Variants in HOMER1 observed in about 807,000 individuals in gnomAD.
HOMER1 encodes homer protein homolog 1.
A neutral mutation model predicts 48.9 loss-of-function variants in HOMER1; 3 were observed. The observed-to-expected ratio is 0.06, with a 90% CI of 0.03 to 0.16. The LOEUF is 0.16. Among genes scored for constraint, HOMER1 ranks in the 10% least tolerant of loss-of-function variants. The probability of loss-of-function intolerance (pLI) is 1.00; values close to 1 mark genes in which losing one functional copy is unlikely to be tolerated. For synonymous variants in HOMER1, 134 were observed against 146.4 expected, an observed-to-expected ratio of 0.92 and a Z score of 0.61; for missense variants, 247 against 411.4, an observed-to-expected ratio of 0.60 and a Z score of 3.46.
intron 5 of HOMER1, among the ~76,000 whole-genome samples, chr5:79,404,141 A>C (rs994876447): frequency 2.0e-5 from 3 of 152,216 alleles, no homozygotes; most frequent in Non-Finnish European, 2.9e-5. Context: ...TTAGTGAACT[A>C]ATTTAAACAC....
In HOMER1 at chr5:79,485,084, A is replaced by C. The variant is rs961517006; in HGVS notation, c.5+27686T>G. Among the ~76,000 whole-genome samples the C allele has an allele frequency of 4.0e-5, 6 of 148,954 alleles. 1 individual carries two copies. The highest frequency in any genetic ancestry group is 6.6e-5 in the Admixed American group (1 of 15,126). The stretch of plus-strand genomic sequence containing the variant: ...TTAGAACTGTGTCAAAAGTAAAACA[A>C]AACAAAACAAAACAAAACAAAACAA... On this transcript the variant is annotated intron_variant, in intron 1 of 8. Transcript: ENST00000334082.
At chr5:79,378,188 C>A (rs1390906750) in intron 8 of HOMER1, among the ~76,000 whole-genome samples, 2 of 135,050 alleles carry the variant, frequency 1.5e-5, no homozygotes, top group African/African-American at 5.9e-5. Flanking sequence ...TACTGCACTC[C>A]AGCCGCCTGG....
chr5:79,490,792 A>C lies in HOMER1; in HGVS notation c.5+21978T>G, dbSNP rs78963681. ...ACCAAAAAAAAAAACAAAAAAAAAA[A>C]CCATAAAAAAATTAGCCAGGCATGG... On this transcript the variant is annotated intron_variant, in intron 1 of 8. Coordinates refer to ENST00000334082, the MANE Select transcript of HOMER1 (RefSeq NM_004272.5). Among the ~76,000 whole-genome samples the C allele has an allele frequency of 1.9e-3, 283 of 145,960 alleles. 5 individuals are homozygous for C. Among genetic ancestry groups the C allele is most frequent in the Admixed American group, 5.6e-3 (82 of 14,748 alleles).
intron 1 of HOMER1, among the ~76,000 whole-genome samples, chr5:79,464,495 T>G (rs1431407546): frequency 1.3e-5 from 2 of 152,210 alleles, no homozygotes; most frequent in Non-Finnish European, 2.9e-5. Flanking sequence ...AGGTAATGGC[T>G]GGAGAATTTA....
chr5:79,443,428 G>A (rs1396971880), intron 4 of HOMER1, among the ~76,000 whole-genome samples: 1 of 152,070 alleles, frequency 6.6e-6, no homozygotes, highest in East Asian at 1.9e-4. Flanking sequence ...TCTGGGAGTG[G>A]AGCTCACCGA....
chr5:79,512,352 T>G (rs1752966191), intron 1 of HOMER1, among the ~76,000 whole-genome samples: 1 of 152,218 alleles, frequency 6.6e-6, no homozygotes, highest in African/African-American at 2.4e-5. Context: ...AGGACTGTTG[T>G]CTAACCACTC....
intron 8 of HOMER1, among the ~76,000 whole-genome samples, chr5:79,380,021 A>C (rs1748925248): frequency 6.6e-6 from 1 of 152,188 alleles, no homozygotes; most frequent in African/African-American, 2.4e-5. Flanking sequence ...CTTCAAATGG[A>C]TCATCCAACA....
At chr5:79,503,702 G>A (rs1752670336) in intron 1 of HOMER1, among the ~76,000 whole-genome samples, 1 of 148,054 alleles carries the variant, frequency 6.8e-6, no homozygotes, top group African/African-American at 2.6e-5. Context: ...TTAGCTGGGT[G>A]GGATTCAGCA....
chr5:79,386,521 G>A (rs987550732), intron 8 of HOMER1, among the ~76,000 whole-genome samples: 1 of 152,176 alleles, frequency 6.6e-6, no homozygotes, highest in Admixed American at 6.5e-5. Flanking sequence ...TATATTTACA[G>A]TTAGATAGAA....
intron 1 of HOMER1, among the ~76,000 whole-genome samples, 176 bp from the exon 2 acceptor site, chr5:79,457,194 A>C (rs537197334): frequency 1.6e-4 from 25 of 152,350 alleles, no homozygotes; most frequent in Middle Eastern, 3.4e-3. Flanking sequence ...GTTTCTAAAA[A>C]CAATTATAGT....
intron 4 of HOMER1, among the ~76,000 whole-genome samples, chr5:79,444,064 G>A (rs113053380): frequency 3.4e-4 from 52 of 152,142 alleles, no homozygotes; most frequent in African/African-American, 9.6e-4. Flanking sequence ...ATCGATTTTC[G>A]TGTTTAACCT....
At chr5:79,414,702 C>T (rs1014973542) in intron 5 of HOMER1, among the ~76,000 whole-genome samples, 4 of 152,040 alleles carry the variant, frequency 2.6e-5, no homozygotes, top group Non-Finnish European at 5.9e-5. Flanking sequence ...TATACTCCTG[C>T]TGGCACCTGC....
intron 8 of HOMER1, among the ~76,000 whole-genome samples, chr5:79,393,161 C>A (rs1411431909): frequency 1.3e-5 from 2 of 151,992 alleles, no homozygotes; most frequent in Non-Finnish European, 2.9e-5. Flanking sequence ...CCAAACACTG[C>A]CTGTTCCCAA....
chr5:79,494,223 C>T lies in HOMER1; in HGVS notation c.5+18547G>A, dbSNP rs113488085. Among the ~76,000 whole-genome samples, 267 of 152,304 alleles carry T rather than the reference C, an allele frequency of 1.8e-3. 2 individuals carry two copies. Among genetic ancestry groups the T allele is most frequent in the African/African-American group, 6.1e-3 (253 of 41,560 alleles). ...CATTCATAGCTCCAACCAAAAATTA[C>T]ACATTCTGATTCCCAAAACTCTATC... On this transcript the variant is annotated intron_variant, in intron 1 of 8. Coordinates refer to ENST00000334082, the MANE Select transcript of HOMER1 (RefSeq NM_004272.5).
At chr5:79,416,522 G>A (rs552698910) in intron 5 of HOMER1, among the ~76,000 whole-genome samples, 6 of 152,320 alleles carry the variant, frequency 3.9e-5, no homozygotes, top group African/African-American at 9.6e-5. Context: ...AAGAGGGCCC[G>A]AGAAATGTCC....
chr5:79,415,284 T>G (rs1749913872), intron 5 of HOMER1, among the ~76,000 whole-genome samples: 1 of 151,780 alleles, frequency 6.6e-6, no homozygotes, highest in South Asian at 2.1e-4. Flanking sequence ...GGTCTCAAAC[T>G]CCTGGGCCCA....
At chr5:79,482,823 CTG>C (rs138680342) in intron 1 of HOMER1, among the ~76,000 whole-genome samples, 2,140 of 151,490 alleles carry the variant, frequency 0.014, 38 homozygotes, top group African/African-American at 0.05. Flanking sequence ...TGGCAAGACC[CTG>C]TCTCTAAAAA....
intron 5 of HOMER1, among the ~76,000 whole-genome samples, chr5:79,434,167 A>T (rs747653468): frequency 1.2e-4 from 18 of 152,202 alleles, no homozygotes; most frequent in Non-Finnish European, 2.7e-4. Context: ...CGAAAATATG[A>T]CAACAATTAT....
At chr5:79,483,742 G>T (rs1443565314) in intron 1 of HOMER1, among the ~76,000 whole-genome samples, 4 of 142,140 alleles carry the variant, frequency 2.8e-5, no homozygotes, top group Non-Finnish European at 6.0e-5. Context: ...AAAGATAATT[G>T]ACCGTTTAAG....
Sources: allele counts gnomAD v4.1 joint callset (sites outside exome capture counted in the v4.1 genomes callset), GRCh38; gene constraint gnomAD v4.1.1; transcripts MANE v1.5; gene names NCBI Gene and HGNC (gene_info 2026-07-23, HGNC 2026-07-21).